GALNTL6: variants seen among roughly 807,000 people sequenced by gnomAD.
GALNTL6 encodes the protein polypeptide N-acetylgalactosaminyltransferase like 6.
In GALNTL6, 46 loss-of-function variants were observed where a neutral mutation model predicts 73.7. The observed-to-expected ratio is 0.62, with a 90% CI of 0.49 to 0.80. The LOEUF (loss-of-function observed/expected upper bound fraction) is 0.80, where lower values mean the gene tolerates loss of function less well. Ranked by LOEUF, GALNTL6 falls within the 30% of genes least tolerant of loss-of-function variation. GALNTL6 has a pLI of 0.00. For missense variants in GALNTL6, 604 were observed against 755.0 expected, an observed-to-expected ratio of 0.80 and a Z score of 2.34; for synonymous variants, 259 against 263.7, an observed-to-expected ratio of 0.98 and a Z score of 0.17.
chr4:171,869,957 A>C (rs6553595), intron 2 of GALNTL6, among the ~76,000 whole-genome samples: 53,421 of 151,048 alleles, frequency 0.35, 9,688 homozygotes, highest in African/African-American at 0.44. Flanking sequence ...GTATGTCTTT[A>C]TCAGCAGCAT....
At chr4:172,559,658 C>CT (rs1391438208) in intron 5 of GALNTL6, among the ~76,000 whole-genome samples, 1 of 152,102 alleles carries the variant, frequency 6.6e-6, no homozygotes, top group Non-Finnish European at 1.5e-5. Flanking sequence ...ATAGTAAACT[C>CT]TGAGTTTTCT....
chr4:171,869,650 T>A (rs938776065), intron 2 of GALNTL6, among the ~76,000 whole-genome samples: 2 of 152,228 alleles, frequency 1.3e-5, no homozygotes, highest in Admixed American at 1.3e-4. Flanking sequence ...ATATTTCTGA[T>A]ATGGTTTGGC....
At chr4:172,386,019 G>A (rs192586024) in intron 5 of GALNTL6, among the ~76,000 whole-genome samples, 18 of 151,992 alleles carry the variant, frequency 1.2e-4, no homozygotes, top group African/African-American at 4.3e-4. Context: ...ACAAAAATTT[G>A]CTATAAAAGA....
At chr4:172,357,050 G>A (rs1490090151) in intron 5 of GALNTL6, among the ~76,000 whole-genome samples, 2 of 152,166 alleles carry the variant, frequency 1.3e-5, no homozygotes, top group East Asian at 1.9e-4. Context: ...GTATACCCAA[G>A]TATTGAAATA....
At chr4:172,627,222 A>G (rs183978812) in intron 5 of GALNTL6, among the ~76,000 whole-genome samples, 2 of 152,256 alleles carry the variant, frequency 1.3e-5, no homozygotes, top group Admixed American at 1.3e-4. Context: ...GAATTTCATC[A>G]AAGGCTGTTT....
chr4:172,430,571 G>T lies in GALNTL6; in HGVS notation c.553+81882G>T, dbSNP rs115890724. Among the ~76,000 whole-genome samples, 1,183 of 152,132 alleles carry T rather than the reference G, an allele frequency of 7.8e-3. 19 individuals carry two copies. The highest frequency in any genetic ancestry group is 0.027 in the African/African-American group (1,116 of 41,518). On this transcript the variant is annotated intron_variant, in intron 5 of 12. Coordinates refer to ENST00000506823, the MANE Select transcript of GALNTL6 (RefSeq NM_001034845.3). ...CATACATTATTATCTTTAAAGTTTG[G>T]TAATGTGGAAAACAAGTATCTTTAA... is the stretch of plus-strand genomic sequence containing the variant.
intron 7 of GALNTL6, among the ~76,000 whole-genome samples, chr4:172,818,062 G>T (rs572241153): frequency 6.6e-6 from 1 of 152,230 alleles, no homozygotes; most frequent in East Asian, 1.9e-4. Flanking sequence ...ATGTTTTCCA[G>T]GTCTACTAGA....
chr4:172,859,254 G>A (rs34547986), intron 7 of GALNTL6, among the ~76,000 whole-genome samples: 75,436 of 151,914 alleles, frequency 0.5, 21,960 homozygotes, highest in East Asian at 0.91. Flanking sequence ...CTTGTTGAAG[G>A]AAAATTATTA....
At chr4:172,333,410 G>T (rs1408140687) in intron 4 of GALNTL6, among the ~76,000 whole-genome samples, 1 of 151,766 alleles carries the variant, frequency 6.6e-6, no homozygotes, top group Admixed American at 6.6e-5. Flanking sequence ...CATCTCAAAA[G>T]AAAAAAATAA....
At chr4:172,997,274 G>T (rs1751836986) in intron 10 of GALNTL6, among the ~76,000 whole-genome samples, 1 of 152,026 alleles carries the variant, frequency 6.6e-6, no homozygotes, top group African/African-American at 2.4e-5. Flanking sequence ...CATTTGCTTG[G>T]TAAAAAGAGC....
intron 5 of GALNTL6, among the ~76,000 whole-genome samples, chr4:172,730,094 T>A (rs1321779413): frequency 6.6e-6 from 1 of 152,216 alleles, no homozygotes; most frequent in Non-Finnish European, 1.5e-5. Flanking sequence ...ATCCTGAAAC[T>A]ACTGAATTCT....
chr4:171,875,182 G>A (rs1182177830), intron 2 of GALNTL6, among the ~76,000 whole-genome samples: 1 of 152,154 alleles, frequency 6.6e-6, no homozygotes, highest in African/African-American at 2.4e-5. Context: ...GGAAGTGTGG[G>A]GGTCCTTGGT....
At chr4:172,157,449 T>A (rs1873567) in intron 2 of GALNTL6, among the ~76,000 whole-genome samples, 66,510 of 151,994 alleles carry the variant, frequency 0.44, 15,359 homozygotes, top group African/African-American at 0.58. Context: ...TGTTTCTTCA[T>A]TCTGGGAGGC....
At chr4:172,087,194 G>A (rs1017867121) in intron 2 of GALNTL6, among the ~76,000 whole-genome samples, 1 of 151,956 alleles carries the variant, frequency 6.6e-6, no homozygotes, top group African/African-American at 2.4e-5. Context: ...CTGTAATCCC[G>A]GCACTTTGGG....
At chr4:172,373,008 G>A (rs773718712) in intron 5 of GALNTL6, among the ~76,000 whole-genome samples, 6 of 152,152 alleles carry the variant, frequency 3.9e-5, no homozygotes, top group South Asian at 2.1e-4. Flanking sequence ...ACCCTTGATC[G>A]GCTAGAAAGT....
chr4:172,237,313 T>C (rs1028461038), intron 3 of GALNTL6, among the ~76,000 whole-genome samples: 2 of 152,220 alleles, frequency 1.3e-5, no homozygotes, highest in Non-Finnish European at 2.9e-5. Flanking sequence ...GCTGAACTAA[T>C]TTACATCCCC....
At chr4:172,063,196 G>A (rs60381576) in intron 2 of GALNTL6, among the ~76,000 whole-genome samples, 113 of 152,222 alleles carry the variant, frequency 7.4e-4, no homozygotes, top group African/African-American at 2.5e-3. Context: ...TGAAGGCTAG[G>A]GTAAACACAA....
intron 5 of GALNTL6, among the ~76,000 whole-genome samples, chr4:172,546,951 T>C (rs781484341): frequency 6.6e-6 from 1 of 151,054 alleles, no homozygotes; most frequent in Non-Finnish European, 1.5e-5. Context: ...CAGAGCTCTT[T>C]TCATGTTGTG....
At chr4:172,843,115 C>T (rs916155881) in intron 7 of GALNTL6, among the ~76,000 whole-genome samples, 4 of 152,114 alleles carry the variant, frequency 2.6e-5, no homozygotes, top group African/African-American at 9.7e-5. Flanking sequence ...GTAGCTGACA[C>T]CCCTCTCCTC....
Sources: allele counts gnomAD v4.1 joint callset (sites outside exome capture counted in the v4.1 genomes callset), GRCh38; gene constraint gnomAD v4.1.1; transcripts MANE v1.5; gene names NCBI Gene and HGNC (gene_info 2026-07-23, HGNC 2026-07-21).